The following NCOA1 variants were observed in gnomAD, a reference collection of about 807,000 sequenced individuals.
NCOA1 encodes the protein nuclear receptor coactivator 1.
Under a neutral mutation model 150.9 loss-of-function variants are expected in NCOA1, and 35 were observed. The observed-to-expected ratio is 0.23, with a 90% CI of 0.18 to 0.31. The LOEUF (loss-of-function observed/expected upper bound fraction) is 0.31, where lower values mean the gene tolerates loss of function less well. Ranked by LOEUF, NCOA1 falls within the 10% of genes least tolerant of loss-of-function variation. NCOA1 has a pLI of 1.00. For synonymous variants in NCOA1, 590 were observed against 630.0 expected (o/e 0.94, Z 0.95); for missense variants, 1,491 against 1,749.3 (o/e 0.85, Z 2.63).
At chr2:24,533,908 T>C (rs1665006523) in intron 1 of NCOA1, among the ~76,000 whole-genome samples, 1 of 151,470 alleles carries the variant, frequency 6.6e-6, no homozygotes, top group Non-Finnish European at 1.5e-5. Context: ...AATTCTCTTT[T>C]TTGTTGTGTC....
intron 21 of NCOA1, among the ~76,000 whole-genome samples, chr2:24,758,467 A>G (rs1664611453): frequency 6.6e-6 from 1 of 151,286 alleles, no homozygotes; most frequent in Non-Finnish European, 1.5e-5. Context: ...AGTAGCTGGG[A>G]CTGCAAGCAC....
At position 24,707,765 on chromosome 2, in the gene NCOA1, C is replaced by T; in HGVS notation, c.2295C>T (p.Asn765=). 1 of 1,614,138 alleles carries T rather than the reference C, an allele frequency of 6.2e-7. No individual in the cohort carries two copies. Among genetic ancestry groups the T allele is most frequent in the Non-Finnish European group, 8.5e-7 (1 of 1,180,012 alleles). ...KDEKDLRSTP[N]LSLDDVKVKV... ...AGAAAGATTTAAGATCAACTCCAAACCTGAGCCTGGATGATGTAAAGGTGA... is the reference window on the plus strand; with the variant it reads ...AGAAAGATTTAAGATCAACTCCAAATCTGAGCCTGGATGATGTAAAGGTGA... The change falls in exon 13 of 23, where the codon AAC becomes AAT. Residue 765 remains asparagine, a synonymous_variant. Transcript: ENST00000348332.
At chr2:24,649,168 A>G (rs1181086682) in intron 4 of NCOA1, among the ~76,000 whole-genome samples, 1 of 152,126 alleles carries the variant, frequency 6.6e-6, no homozygotes, top group Non-Finnish European at 1.5e-5. Flanking sequence ...GGCTCAAACA[A>G]TTCTCCCACC....
At chr2:24,518,831 A>G (rs1432358656) in intron 1 of NCOA1, among the ~76,000 whole-genome samples, 1 of 152,164 alleles carries the variant, frequency 6.6e-6, no homozygotes, top group Non-Finnish European at 1.5e-5. Context: ...AAGATAACCT[A>G]AGCAAATGGA....
intron 22 of NCOA1, among the ~76,000 whole-genome samples, chr2:24,766,815 G>A (rs1237469948): frequency 6.6e-6 from 1 of 152,060 alleles, no homozygotes; most frequent in Non-Finnish European, 1.5e-5. Flanking sequence ...GCGGGGCAAG[G>A]GCACAGAGGC....
intron 8 of NCOA1, among the ~76,000 whole-genome samples, chr2:24,688,569 TG>T (rs1406499620): frequency 1.3e-5 from 2 of 152,242 alleles, no homozygotes; most frequent in Admixed American, 6.5e-5. Context: ...AAGTGTCTGT[TG>T]ATGTCCTTTG....
chr2:24,521,213 T>C (rs1664404058), intron 1 of NCOA1, among the ~76,000 whole-genome samples: 1 of 152,190 alleles, frequency 6.6e-6, no homozygotes, highest in Admixed American at 6.5e-5. Context: ...ATGATTAAAT[T>C]AAGCTGATCA....
At chr2:24,583,347 ATAATGAGGATTATT>A (rs1466861548) in intron 2 of NCOA1, among the ~76,000 whole-genome samples, 2 of 152,158 alleles carry the variant, frequency 1.3e-5, no homozygotes, top group African/African-American at 2.4e-5. Flanking sequence ...AATCAAAACC[ATAATGAGGATTATT>A]TCACCTCAGA....
At chr2:24,516,220 C>G (rs781676545) in intron 1 of NCOA1, among the ~76,000 whole-genome samples, 64 of 122,272 alleles carry the variant, frequency 5.2e-4, no homozygotes, top group Non-Finnish European at 6.1e-4. Context: ...TGAGACGGAG[C>G]CTCGCTCTGT....
chr2:24,739,562 T>C (rs747554970), intron 18 of NCOA1, 29 bp downstream of exon 18: 3 of 1,516,974 alleles, frequency 2.0e-6, no homozygotes, highest in African/African-American at 2.7e-5. Flanking sequence ...ACGTCATTAG[T>C]ACTTCTTTAA....
intron 2 of NCOA1, among the ~76,000 whole-genome samples, chr2:24,574,725 C>T (rs1021658250): frequency 6.6e-6 from 1 of 151,988 alleles, no homozygotes. Context: ...TGTCTGAAAA[C>T]ATTTCCACCT....
At chr2:24,730,403 G>C (rs1188221769) in intron 17 of NCOA1, among the ~76,000 whole-genome samples, 1 of 152,042 alleles carries the variant, frequency 6.6e-6, no homozygotes, top group East Asian at 1.9e-4. Flanking sequence ...TATTTTTTGA[G>C]ATACAAACTA....
intron 4 of NCOA1, among the ~76,000 whole-genome samples, chr2:24,647,836 G>A (rs1024567613): frequency 2.6e-5 from 4 of 152,158 alleles, no homozygotes; most frequent in South Asian, 2.1e-4. Context: ...GCCTATAGTC[G>A]AAATATTTGA....
intron 1 of NCOA1, among the ~76,000 whole-genome samples, chr2:24,544,747 A>G (rs769735174): frequency 6.6e-6 from 1 of 152,192 alleles, no homozygotes; most frequent in Non-Finnish European, 1.5e-5. Context: ...TCAAGAAAAA[A>G]TAAAAGAAGA....
intron 1 of NCOA1, among the ~76,000 whole-genome samples, chr2:24,492,856 C>T (rs1663037822): frequency 6.6e-6 from 1 of 151,946 alleles, no homozygotes; most frequent in Non-Finnish European, 1.5e-5. Context: ...CTGCTTAAAA[C>T]ATTACTGCCG....
At chr2:24,748,093 C>T (rs1208351785) in intron 19 of NCOA1, among the ~76,000 whole-genome samples, 14 of 149,506 alleles carry the variant, frequency 9.4e-5, no homozygotes, top group Admixed American at 9.3e-4. Context: ...GCAACAAGAA[C>T]AAAACTCCGC....
intron 1 of NCOA1, among the ~76,000 whole-genome samples, chr2:24,508,049 A>G (rs1343411168): frequency 6.6e-6 from 1 of 152,130 alleles, no homozygotes; most frequent in Non-Finnish European, 1.5e-5. Flanking sequence ...TCCTCATGAC[A>G]AGGAGGAGCT....
At chr2:24,531,140 G>A (rs1376640594) in intron 1 of NCOA1, among the ~76,000 whole-genome samples, 3 of 152,324 alleles carry the variant, frequency 2.0e-5, no homozygotes, top group Non-Finnish European at 2.9e-5. Context: ...ACTGTTGGTA[G>A]GAATGTAGAT....
intron 3 of NCOA1, among the ~76,000 whole-genome samples, chr2:24,625,608 C>T (rs1669373106): frequency 6.6e-6 from 1 of 151,974 alleles, no homozygotes; most frequent in African/African-American, 2.4e-5. Flanking sequence ...AATCTATTTC[C>T]CCCAAAGGAG....
Sources: gnomAD v4.1 joint callset for allele counts (sites outside exome capture counted in the v4.1 genomes callset) on GRCh38, gnomAD v4.1.1 for gene constraint, MANE v1.5 for transcripts, NCBI Gene and HGNC (gene_info 2026-07-23, HGNC 2026-07-21) for gene names.